Variants in LRFN5 observed in about 807,000 individuals in gnomAD.
The protein encoded by LRFN5 is leucine-rich repeat and fibronectin type-III domain-containing protein 5.
LRFN5 carries 24 observed loss-of-function variants against 45.6 expected under a neutral mutation model. The observed-to-expected ratio is 0.53, with a 90% CI of 0.38 to 0.74. The LOEUF is 0.74. Ranked by LOEUF, LRFN5 falls within the 30% of genes least tolerant of loss-of-function variation. LRFN5 has a pLI of 0.00. For synonymous variants in LRFN5, 340 were observed against 313.8 expected (o/e 1.08, Z -0.88); for missense variants, 776 against 861.5 (o/e 0.90, Z 1.24).
At chr14:41,613,779 A>T (rs1887841248) in intron 1 of LRFN5, among the ~76,000 whole-genome samples, 1 of 152,044 alleles carries the variant, frequency 6.6e-6, no homozygotes, top group Non-Finnish European at 1.5e-5. Flanking sequence ...CAGAAATAGC[A>T]TATGTAATCA....
At chr14:41,820,812 TA>T (rs1888088020) in intron 2 of LRFN5, among the ~76,000 whole-genome samples, 2 of 152,006 alleles carry the variant, frequency 1.3e-5, no homozygotes, top group Non-Finnish European at 2.9e-5. Context: ...TTTATAGTTT[TA>T]ATTGTACAGA....
intron 2 of LRFN5, among the ~76,000 whole-genome samples, chr14:41,842,535 TA>T (rs35631583): frequency 0.13 from 20,396 of 152,058 alleles, 1,450 homozygotes; most frequent in East Asian, 0.22. Context: ...ACTTCCATTA[TA>T]TCATTAAAAT....
At chr14:41,867,711 A>C (rs1193311398) in intron 2 of LRFN5, among the ~76,000 whole-genome samples, 1 of 152,078 alleles carries the variant, frequency 6.6e-6, no homozygotes, top group South Asian at 2.1e-4. Flanking sequence ...TGTTCAGTGA[A>C]GAATTGGCTG....
chr14:41,861,293 A>ATTGTTTCTTTGCTTATTCG (rs1410668404), intron 2 of LRFN5, among the ~76,000 whole-genome samples: 8 of 152,174 alleles, frequency 5.3e-5, no homozygotes, highest in African/African-American at 1.9e-4. Flanking sequence ...TAGCTCGATT[A>ATTGTTTCTTTGCTTATTCG]TTGTTTCTTT....
At chr14:41,746,389 C>CAT (rs1469562206) in intron 1 of LRFN5, among the ~76,000 whole-genome samples, 3 of 151,916 alleles carry the variant, frequency 2.0e-5, no homozygotes, top group African/African-American at 7.2e-5. Context: ...ACAGAAATAT[C>CAT]ATACTCAGTG....
At chr14:41,898,766 C>T in intron 4 of LRFN5, 151 bp from the exon 5 acceptor site, 1 of 655,774 alleles carries the variant, frequency 1.5e-6, no homozygotes, top group Non-Finnish European at 2.6e-6. Flanking sequence ...GCAATTAACC[C>T]ATGAACTGGT....
intron 1 of LRFN5, among the ~76,000 whole-genome samples, chr14:41,636,971 TC>T (rs1353227769): frequency 4.6e-5 from 7 of 152,168 alleles, no homozygotes; most frequent in African/African-American, 1.4e-4. Context: ...TTGAAGGACA[TC>T]CTGCATCCAG....
At chr14:41,617,176 T>C (rs1208590488) in intron 1 of LRFN5, among the ~76,000 whole-genome samples, 1 of 152,144 alleles carries the variant, frequency 6.6e-6, no homozygotes, top group Non-Finnish European at 1.5e-5. Context: ...TTGGATAATA[T>C]ATAATGGATG....
intron 2 of LRFN5, among the ~76,000 whole-genome samples, chr14:41,871,651 C>T (rs1397238421): frequency 6.6e-6 from 1 of 151,948 alleles, no homozygotes; most frequent in Non-Finnish European, 1.5e-5. Flanking sequence ...ATAGCACATA[C>T]TTATTGTTTG....
chr14:41,652,913 A>T (rs1438464729), intron 1 of LRFN5, among the ~76,000 whole-genome samples: 4 of 152,054 alleles, frequency 2.6e-5, no homozygotes, highest in African/African-American at 9.7e-5. Flanking sequence ...TCTAATGCTC[A>T]GTATTGTTGA....
chr14:41,620,404 C>G (rs1411536196), intron 1 of LRFN5, among the ~76,000 whole-genome samples: 2 of 151,962 alleles, frequency 1.3e-5, no homozygotes, highest in African/African-American at 2.4e-5. Flanking sequence ...GTTACAAACA[C>G]AAAAAGTAGG....
At chr14:41,639,838 A>G (rs1457963960) in intron 1 of LRFN5, among the ~76,000 whole-genome samples, 1 of 151,864 alleles carries the variant, frequency 6.6e-6, no homozygotes, top group Non-Finnish European at 1.5e-5. Flanking sequence ...GCTAGAGTGC[A>G]GTAATGCAAT....
chr14:41,812,010 G>T (rs527707049), intron 2 of LRFN5, among the ~76,000 whole-genome samples: 266 of 152,092 alleles, frequency 1.7e-3, no homozygotes, highest in African/African-American at 6.1e-3. Context: ...ATTCTTTATA[G>T]CATAACATCT....
chr14:41,662,642 C>T (rs1240283698), intron 1 of LRFN5, among the ~76,000 whole-genome samples: 8 of 151,954 alleles, frequency 5.3e-5, no homozygotes, highest in Admixed American at 3.9e-4. Context: ...AGCAGGGCCA[C>T]CAATCAGGAA....
chr14:41,810,782 A>C (rs188236455), intron 2 of LRFN5, among the ~76,000 whole-genome samples: 1 of 152,168 alleles, frequency 6.6e-6, no homozygotes, highest in East Asian at 1.9e-4. Flanking sequence ...TAACACACCC[A>C]AACAACCTGC....
At chr14:41,693,336 GA>G (rs1464872972) in intron 1 of LRFN5, among the ~76,000 whole-genome samples, 2 of 152,044 alleles carry the variant, frequency 1.3e-5, no homozygotes, top group African/African-American at 4.8e-5. Flanking sequence ...TGGCATAAAA[GA>G]TACTTTAAAA....
At chr14:41,886,279 A>G (rs750438458) in intron 2 of LRFN5, among the ~76,000 whole-genome samples, 5 of 152,116 alleles carry the variant, frequency 3.3e-5, no homozygotes, top group Non-Finnish European at 7.3e-5. Flanking sequence ...CCAGGCCTAC[A>G]ATCTCGGCTG....
intron 5 of LRFN5, among the ~76,000 whole-genome samples, chr14:41,901,886 T>C (rs1317333570): frequency 1.3e-5 from 2 of 151,968 alleles, no homozygotes; most frequent in Non-Finnish European, 2.9e-5. Context: ...ATAAGAGTAA[T>C]AGAATAAACA....
At chr14:41,765,336 C>T (rs1386748936) in intron 1 of LRFN5, among the ~76,000 whole-genome samples, 3 of 138,740 alleles carry the variant, frequency 2.2e-5, no homozygotes, top group Non-Finnish European at 4.6e-5. Flanking sequence ...AGCGAGACTC[C>T]GTCTCAAAAA....
Sources: gnomAD v4.1 joint callset for allele counts (sites outside exome capture counted in the v4.1 genomes callset) on GRCh38, gnomAD v4.1.1 for gene constraint, MANE v1.5 for transcripts, NCBI Gene and HGNC (gene_info 2026-07-23, HGNC 2026-07-21) for gene names.